The following FBXL4 variants were observed in gnomAD, a reference collection of about 807,000 sequenced individuals.
FBXL4 encodes the protein F-box/LRR-repeat protein 4.
In FBXL4, 40 loss-of-function variants were observed where a neutral mutation model predicts 58.9. The ratio of observed to expected loss-of-function variants is 0.68; its 90% CI spans 0.53 to 0.88. The LOEUF is 0.88. Among genes scored for constraint, FBXL4 ranks in the 40% least tolerant of loss-of-function variants. The pLI is 0.00. For missense variants in FBXL4, 676 were observed against 734.4 expected (o/e 0.92, Z 0.92); for synonymous variants, 263 against 265.5 (o/e 0.99, Z 0.09).
chr6:98,918,751 A>G (rs896052293), intron 4 of FBXL4, among the ~76,000 whole-genome samples: 6 of 152,102 alleles, frequency 3.9e-5, no homozygotes, highest in African/African-American at 1.4e-4. Context: ...ATCAAAGAAT[A>G]AGAATATTTT....
chr6:98,931,763 G>A (rs1229701022), intron 2 of FBXL4, among the ~76,000 whole-genome samples: 1 of 152,174 alleles, frequency 6.6e-6, no homozygotes, highest in Non-Finnish European at 1.5e-5. Context: ...TTTTAGGGGT[G>A]GGGAAGAACA....
chr6:98,936,967 C>T (rs1419217996), intron 1 of FBXL4, among the ~76,000 whole-genome samples: 3 of 152,120 alleles, frequency 2.0e-5, no homozygotes, highest in East Asian at 3.9e-4. Flanking sequence ...ATACAGTTGA[C>T]CCTTGAACAA....
intron 4 of FBXL4, among the ~76,000 whole-genome samples, chr6:98,918,454 G>A (rs1772455102): frequency 6.6e-6 from 1 of 151,972 alleles, no homozygotes; most frequent in South Asian, 2.1e-4. Context: ...TCCTCCCCAT[G>A]AAATGCCCAA....
At position 98,888,021 on chromosome 6, in the gene FBXL4, T is replaced by C. The variant is rs190614878; in HGVS notation, c.1318-7397A>G. ...TCCTAAAATATCTTTAAAATATTCTTTCTCCATGCTATTAGTATTCAGAAT... is the reference window on the plus strand; with the variant it reads ...TCCTAAAATATCTTTAAAATATTCTCTCTCCATGCTATTAGTATTCAGAAT... On this transcript the variant is annotated intron_variant, in intron 7 of 9. Transcript: ENST00000369244. 3.1e-4 allele frequency among the ~76,000 whole-genome samples: 47 copies of C among 152,386 alleles called. No homozygotes were observed. The East Asian group carries it at 8.7e-3, about 28-fold the overall frequency.
intron 1 of FBXL4, among the ~76,000 whole-genome samples, chr6:98,937,494 G>A (rs571376750): frequency 1.3e-5 from 2 of 152,200 alleles, no homozygotes; most frequent in Admixed American, 1.3e-4. Context: ...AAAATATATT[G>A]ACTACTCATT....
chr6:98,912,424 G>C (rs928879597), intron 5 of FBXL4, among the ~76,000 whole-genome samples: 1 of 152,160 alleles, frequency 6.6e-6, no homozygotes, highest in Non-Finnish European at 1.5e-5. Context: ...GGCAGCCAGA[G>C]AGAAAGGTCG....
At chr6:98,943,941 C>T (rs973562188) in intron 1 of FBXL4, among the ~76,000 whole-genome samples, 82 of 152,290 alleles carry the variant, frequency 5.4e-4, no homozygotes, top group African/African-American at 1.9e-3. Flanking sequence ...TCACAGTAAA[C>T]ATCTAACATA....
chr6:98,925,817 T>A (rs1222002255), intron 4 of FBXL4, among the ~76,000 whole-genome samples: 1 of 152,142 alleles, frequency 6.6e-6, no homozygotes, highest in Non-Finnish European at 1.5e-5. Context: ...AGATACAAAA[T>A]GAGCTGATAA....
intron 6 of FBXL4, among the ~76,000 whole-genome samples, chr6:98,899,912 G>A (rs961416477): frequency 2.0e-5 from 3 of 151,972 alleles, no homozygotes; most frequent in Non-Finnish European, 2.9e-5. Context: ...CACTGCACAC[G>A]AAAGTAACAA....
intron 7 of FBXL4, among the ~76,000 whole-genome samples, chr6:98,883,921 T>C (rs912324440): frequency 5.3e-5 from 8 of 151,808 alleles, no homozygotes; most frequent in African/African-American, 1.9e-4. Flanking sequence ...TTTTAGTTTT[T>C]ACCTTTTAGA....
At chr6:98,921,144 T>G (rs1447111195) in intron 4 of FBXL4, among the ~76,000 whole-genome samples, 7 of 152,170 alleles carry the variant, frequency 4.6e-5, no homozygotes, top group Admixed American at 4.6e-4. Flanking sequence ...ACAGCCCATT[T>G]AATGTTCTTT....
At chr6:98,880,406 T>C in intron 8 of FBXL4, 147 bp downstream of exon 8, 1 of 620,168 alleles carries the variant, frequency 1.6e-6, no homozygotes, top group Non-Finnish European at 2.8e-6. Flanking sequence ...TTAAGAAAAA[T>C]GTTTGAAAGC....
At chr6:98,881,807 C>G (rs1418418511) in intron 7 of FBXL4, among the ~76,000 whole-genome samples, 1 of 151,964 alleles carries the variant, frequency 6.6e-6, no homozygotes, top group Non-Finnish European at 1.5e-5. Context: ...ATTTATAAAA[C>G]AATCCCATGT....
rs764546116 is a variant in FBXL4 at position 98,899,376 on chromosome 6, T to C, written c.1209A>G (p.Leu403=). 4.4e-5 allele frequency: 71 copies of C among 1,613,918 alleles called. No homozygotes were observed. The highest frequency in any genetic ancestry group is 3.3e-4 in the Middle Eastern group (2 of 6,082). Residue 403 remains leucine (L), a synonymous_variant, in exon 7 of 10, where the codon CTA becomes CTG. Coordinates refer to ENST00000369244, the MANE Select transcript of FBXL4 (RefSeq NM_001278716.2). ...LEVISEMCPN[L]QALNLSSCDK... is the part of the protein sequence containing the mutation. ...CACAGGAGGAGAGATTTAAGGCCTG[T>C]AGATTTGGACACATCTCAGAAATAA...
At chr6:98,925,718 G>A (rs1363268161) in intron 4 of FBXL4, among the ~76,000 whole-genome samples, 1 of 152,292 alleles carries the variant, frequency 6.6e-6, no homozygotes, top group Non-Finnish European at 1.5e-5. Context: ...ACAAGGTACA[G>A]AACAGTGTGA....
intron 5 of FBXL4, among the ~76,000 whole-genome samples, chr6:98,909,997 G>C (rs1301996300): frequency 1.3e-5 from 2 of 152,084 alleles, no homozygotes; most frequent in Non-Finnish European, 2.9e-5. Context: ...CATTCAAAAG[G>C]CTATCTTACT....
chr6:98,910,900 G>A (rs908931800), intron 5 of FBXL4, among the ~76,000 whole-genome samples: 4 of 152,202 alleles, frequency 2.6e-5, no homozygotes, highest in African/African-American at 9.6e-5. Flanking sequence ...GAAGCACAAG[G>A]GATCAGGGAG....
In FBXL4 at chr6:98,902,485, T is replaced by C. The variant is rs1021126532; in HGVS notation, c.1103+2941A>G. On this transcript the variant is annotated intron_variant, in intron 6 of 9. Coordinates refer to ENST00000369244, the MANE Select transcript of FBXL4 (RefSeq NM_001278716.2). ...ATATAGGCAGGCAACTGAATAAATA[T>C]ATTAGTGGGAAATAAGCTCTTTATA... Among the ~76,000 whole-genome samples the C allele has an allele frequency of 5.3e-5, 8 of 152,008 alleles. No individual in the cohort carries two copies. The East Asian group carries it at 1.3e-3, about 26-fold the overall frequency.
chr6:98,878,409 A>G (rs562179107), intron 8 of FBXL4, among the ~76,000 whole-genome samples: 5 of 152,182 alleles, frequency 3.3e-5, no homozygotes, highest in African/African-American at 1.2e-4. Flanking sequence ...TGGTATAACC[A>G]TAGCTCACTG....
Sources: gnomAD v4.1 joint callset for allele counts (sites outside exome capture counted in the v4.1 genomes callset) on GRCh38, gnomAD v4.1.1 for gene constraint, MANE v1.5 for transcripts, NCBI Gene and HGNC (gene_info 2026-07-23, HGNC 2026-07-21) for gene names.